DENND2B: variants seen among roughly 807,000 people sequenced by gnomAD.
DENND2B encodes DENN domain containing 2B, also known as DENN domain-containing protein 2B.
In DENND2B, 32 loss-of-function variants were observed where a neutral mutation model predicts 116.0. The ratio of observed to expected loss-of-function variants is 0.28; its 90% CI spans 0.21 to 0.37. The LOEUF (loss-of-function observed/expected upper bound fraction) is 0.37. Among genes scored for constraint, DENND2B ranks in the 10% least tolerant of loss-of-function variants. The probability of loss-of-function intolerance (pLI) is 1.00; values close to 1 mark genes in which losing one functional copy is unlikely to be tolerated. For missense variants in DENND2B, 1,276 were observed against 1,477.7 expected, an observed-to-expected ratio of 0.86 and a Z score of 2.24; for synonymous variants, 588 against 583.9, an observed-to-expected ratio of 1.01 and a Z score of -0.10.
chr11:8,718,505 T>C (rs1426467717), intron 4 of DENND2B: 1 of 1,460,494 alleles, frequency 6.8e-7, no homozygotes, highest in Non-Finnish European at 9.0e-7. Flanking sequence ...GGAACAGTGA[T>C]TAGCAAGGAG....
chr11:8,775,568 G>T (rs1330131928), intron 1 of DENND2B, among the ~76,000 whole-genome samples: 1 of 152,138 alleles, frequency 6.6e-6, no homozygotes, highest in East Asian at 1.9e-4. Context: ...CAAGGACACT[G>T]GTTCCTGGCA....
chr11:8,849,719 C>T (rs185456158), intron 3 of DENND2B, among the ~76,000 whole-genome samples: 3 of 143,558 alleles, frequency 2.1e-5, no homozygotes, highest in Non-Finnish European at 4.6e-5. Context: ...GCTACTCAGG[C>T]GGCTGAGGCA....
intron 4 of DENND2B, chr11:8,718,097 C>CCCCCCCAA (rs2045332690): frequency 2.6e-5 from 7 of 264,364 alleles, no homozygotes; most frequent in African/African-American, 8.7e-5. Flanking sequence ...AGCAGACCCA[C>CCCCCCCAA]CCCCCCACCC....
At chr11:8,708,715 G>A (rs1440559531) in intron 11 of DENND2B, among the ~76,000 whole-genome samples, 1 of 152,198 alleles carries the variant, frequency 6.6e-6, no homozygotes, top group Non-Finnish European at 1.5e-5. Context: ...ACTTTGGGAG[G>A]CCAAGGGAGG....
chr11:8,724,295 C>CAA (rs879914640), intron 4 of DENND2B, among the ~76,000 whole-genome samples: 4 of 126,960 alleles, frequency 3.2e-5, no homozygotes, highest in Non-Finnish European at 5.1e-5. Flanking sequence ...GACTCCGTCT[C>CAA]AAAAAAAAAA....
At chr11:8,715,080 T>C (rs1592600222) in intron 6 of DENND2B, among the ~76,000 whole-genome samples, 1 of 152,276 alleles carries the variant, frequency 6.6e-6, no homozygotes, top group East Asian at 1.9e-4. Context: ...TTCTAGCCTT[T>C]CCCCTCTGGG....
At chr11:8,780,392 T>C (rs949661555) in intron 1 of DENND2B, among the ~76,000 whole-genome samples, 1 of 152,156 alleles carries the variant, frequency 6.6e-6, no homozygotes, top group Non-Finnish European at 1.5e-5. Flanking sequence ...TAGAAGGAGA[T>C]TACTTCCAAA....
At chr11:8,892,444 C>A (rs1318461713) in intron 1 of DENND2B, among the ~76,000 whole-genome samples, 2 of 151,968 alleles carry the variant, frequency 1.3e-5, no homozygotes, top group African/African-American at 2.4e-5. Context: ...TTCAAAAAAT[C>A]AATGAATCCA....
At chr11:8,907,105 C>G (rs1339442878) in intron 1 of DENND2B, among the ~76,000 whole-genome samples, 1 of 152,148 alleles carries the variant, frequency 6.6e-6, no homozygotes, top group Non-Finnish European at 1.5e-5. Context: ...AATTAAAGAC[C>G]TCTTCCAACG....
At chr11:8,717,970 A>T in intron 4 of DENND2B, 78 bp from the exon 5 acceptor site, 1 of 1,524,946 alleles carries the variant, frequency 6.6e-7, no homozygotes, top group Non-Finnish European at 8.9e-7. Context: ...CAAATAAACA[A>T]GCAGAATTCC....
At chr11:8,797,986 C>T (rs1248176001) in intron 1 of DENND2B, among the ~76,000 whole-genome samples, 1 of 152,170 alleles carries the variant, frequency 6.6e-6, no homozygotes, top group Non-Finnish European at 1.5e-5. Flanking sequence ...CAAATCTGCA[C>T]ATTAACGGCT....
intron 3 of DENND2B, among the ~76,000 whole-genome samples, chr11:8,840,429 G>A (rs1319399921): frequency 1.3e-5 from 2 of 152,094 alleles, no homozygotes; most frequent in Non-Finnish European, 1.5e-5. Context: ...TAATAGGGCT[G>A]AACGGCAGGA....
upstream of DENND2B, among the ~76,000 whole-genome samples, chr11:8,876,297 A>G (rs2063840366): frequency 6.6e-6 from 1 of 152,148 alleles, no homozygotes; most frequent in Non-Finnish European, 1.5e-5. Context: ...AGTATTACTG[A>G]GGTTTTAATA....
At chr11:8,700,315 T>G (rs947786015) in intron 14 of DENND2B, among the ~76,000 whole-genome samples, 1 of 152,156 alleles carries the variant, frequency 6.6e-6, no homozygotes, top group African/African-American at 2.4e-5. Flanking sequence ...AAGGGCCTGA[T>G]GGGCCCACAG....
intron 1 of DENND2B, among the ~76,000 whole-genome samples, chr11:8,908,445 G>A (rs1416301468): frequency 6.6e-6 from 1 of 152,186 alleles, no homozygotes; most frequent in African/African-American, 2.4e-5. Flanking sequence ...TATTTATTGA[G>A]CACCTACTAT....
rs777444819 is a variant in DENND2B, at chr11:8,698,990, A to G, written c.2899-16T>C. 1 of 1,614,084 alleles carries G rather than the reference A, an allele frequency of 6.2e-7. No homozygotes were observed. The highest frequency in any genetic ancestry group is 1.1e-5 in the South Asian group (1 of 91,076). On this transcript the variant is annotated splice_polypyrimidine_tract_variant and intron_variant, in intron 15 of 19. Coordinates refer to ENST00000313726, the MANE Select transcript of DENND2B (RefSeq NM_213618.2). Reference sequence around the variant, plus strand: ...CCATCAGCGCCTGAGAAAAGGAGTCATTAGCAGAGTGGCTCAGGGCATGAG... The same window carrying G: ...CCATCAGCGCCTGAGAAAAGGAGTCGTTAGCAGAGTGGCTCAGGGCATGAG...
intron 8 of DENND2B, 85 bp downstream of exon 8, chr11:8,713,913 G>A: frequency 1.4e-6 from 2 of 1,474,950 alleles, no homozygotes; most frequent in Admixed American, 1.7e-5. Context: ...TAGGGACACT[G>A]GAACCACACA....
At chr11:8,828,934 G>A (rs2568048) in intron 4 of DENND2B, among the ~76,000 whole-genome samples, 3,132 of 151,992 alleles carry the variant, frequency 0.021, 84 homozygotes, top group East Asian at 0.09. Context: ...AGGGAAGGGA[G>A]GAGAAAGTGT....
intron 16 of DENND2B, 87 bp from the exon 17 acceptor site, chr11:8,697,723 A>T: frequency 1.2e-6 from 1 of 851,494 alleles, no homozygotes; most frequent in South Asian, 1.4e-5. Context: ...GCGTGAGTAG[A>T]TAATCTCATT....
Sources: gnomAD v4.1 joint callset for allele counts (sites outside exome capture counted in the v4.1 genomes callset) on GRCh38, gnomAD v4.1.1 for gene constraint, MANE v1.5 for transcripts, NCBI Gene and HGNC (gene_info 2026-07-23, HGNC 2026-07-21) for gene names.